The following C1orf159 variants were observed in gnomAD, a reference collection of about 807,000 sequenced individuals.
The protein encoded by C1orf159 is uncharacterized protein C1orf159.
C1orf159 carries 19 observed loss-of-function variants against 25.6 expected under a neutral mutation model. The ratio of observed to expected loss-of-function variants is 0.74; its 90% CI spans 0.52 to 1.09. The LOEUF (loss-of-function observed/expected upper bound fraction) is 1.09, where lower values mean the gene tolerates loss of function less well. Ranked by LOEUF, C1orf159 falls within the 50% of genes least tolerant of loss-of-function variation. The pLI is 0.00. For synonymous variants in C1orf159, 139 were observed against 124.7 expected, an observed-to-expected ratio of 1.12 and a Z score of -0.77; for missense variants, 274 against 290.6, an observed-to-expected ratio of 0.94 and a Z score of 0.42.
chr1:1,102,614 TAAAAA>T (rs1170365187), intron 1 of C1orf159, among the ~76,000 whole-genome samples: 1 of 34,130 alleles, frequency 2.9e-5, no homozygotes, highest in African/African-American at 1.0e-4. Context: ...CTGTCTCTAC[TAAAAA>T]AAAAAAAAAA....
chr1:1,108,232 CAG>C (rs878905567), intron 1 of C1orf159, among the ~76,000 whole-genome samples: 15,249 of 110,262 alleles, frequency 0.14, 1,902 homozygotes, highest in African/African-American at 0.3. Context: ...CACCATGTCT[CAG>C]CAGCACCGTT....
chr1:1,096,749 T>C (rs889311636), intron 1 of C1orf159, among the ~76,000 whole-genome samples: 1 of 152,120 alleles, frequency 6.6e-6, no homozygotes, highest in African/African-American at 2.4e-5. Flanking sequence ...TTTTGAGACA[T>C]GGCCTCACTC....
At chr1:1,091,334 G>GCTC in intron 3 of C1orf159, 138 bp downstream of exon 3, 1 of 859,180 alleles carries the variant, frequency 1.2e-6, no homozygotes, top group Non-Finnish European at 1.9e-6. Context: ...GACCCCAGCA[G>GCTC]TGGACCTGGT....
At chr1:1,097,210 G>T (rs188695075) in intron 1 of C1orf159, among the ~76,000 whole-genome samples, 2 of 152,002 alleles carry the variant, frequency 1.3e-5, no homozygotes, top group African/African-American at 4.8e-5. Context: ...GGGTTCAAGC[G>T]ATTCTTGTGC....
chr1:1,089,413 C>T lies in C1orf159; in HGVS notation c.148+940G>A, dbSNP rs1161272532. Among the ~76,000 whole-genome samples, 1 of 152,098 alleles carries T rather than the reference C, an allele frequency of 6.6e-6. No individual in the cohort carries two copies. The highest frequency in any genetic ancestry group is 1.5e-5 in the Non-Finnish European group (1 of 67,976). Reference sequence around the variant, plus strand: ...GGCTTCAGCATCAGACGATGAGGACCCCAAGGTGCTCAGCTTCCTCCCAGC... The same window carrying T: ...GGCTTCAGCATCAGACGATGAGGACTCCAAGGTGCTCAGCTTCCTCCCAGC... On this transcript the variant is annotated intron_variant, in intron 4 of 9. Coordinates refer to ENST00000421241, the MANE Select transcript of C1orf159 (RefSeq NM_017891.5). The surrounding 1 kb of genome is among the most constrained non-coding windows in gnomAD (Gnocchi z 7.5).
At chr1:1,111,365 CAA>C (rs35082223) in intron 1 of C1orf159, among the ~76,000 whole-genome samples, 28,901 of 108,778 alleles carry the variant, frequency 0.27, 4,220 homozygotes, top group African/African-American at 0.48. Flanking sequence ...TCATCTCTAC[CAA>C]AAAAAAAAAA....
chr1:1,087,873 C>T lies in C1orf159; in HGVS notation c.149-276G>A, dbSNP rs1401047059. Among the ~76,000 whole-genome samples, 2 of 147,854 alleles carry T rather than the reference C, an allele frequency of 1.4e-5. No individual in the cohort carries two copies. The highest frequency in any genetic ancestry group is 2.0e-4 in the East Asian group (1 of 5,064). On this transcript the variant is annotated intron_variant, in intron 4 of 9. Coordinates refer to ENST00000421241, the MANE Select transcript of C1orf159 (RefSeq NM_017891.5). This position sits in a 1 kb window ranked among gnomAD's most constrained non-coding sequence, Gnocchi z 8.3. Reference sequence around the variant, plus strand: ...CTCTCCACGCCGAGCACCCCGGCCCCGAGTACTCCACGCTGCACTCTCCAC... The same window carrying T: ...CTCTCCACGCCGAGCACCCCGGCCCTGAGTACTCCACGCTGCACTCTCCAC...
intron 1 of C1orf159, among the ~76,000 whole-genome samples, chr1:1,111,358 T>C (rs1486631132): frequency 1.7e-5 from 2 of 121,156 alleles, no homozygotes; most frequent in African/African-American, 7.1e-5. Context: ...TGAGATCTCA[T>C]CTCTACCAAA....
intron 2 of C1orf159, 59 bp downstream of exon 2, chr1:1,091,930 AAG>A (rs5772036): frequency 0.062 from 27,772 of 449,552 alleles, 1,225 homozygotes; most frequent in South Asian, 0.12. Context: ...GGTGGGGTGA[AAG>A]AGTGAAGGCT....
intron 1 of C1orf159, among the ~76,000 whole-genome samples, chr1:1,097,274 T>G (rs1367693585): frequency 6.6e-6 from 1 of 151,932 alleles, no homozygotes; most frequent in Non-Finnish European, 1.5e-5. Context: ...GCCTGGCTAA[T>G]TTTTGTATTT....
chr1:1,082,771 C>G lies in C1orf159; in HGVS notation c.*122G>C. On this transcript the variant is annotated 3_prime_UTR_variant, in exon 10 of 10. Transcript: ENST00000421241. The stretch of plus-strand genomic sequence containing the variant: ...GCTGGGAGGCGGAGGGACTCAGAGC[C>G]GAGGCTGTGCCCAGGACTGTCCCGG... 1 of 915,552 alleles carries G rather than the reference C, an allele frequency of 1.1e-6. No homozygotes were observed. Among genetic ancestry groups the G allele is most frequent in the East Asian group, 2.7e-5 (1 of 37,464 alleles). 56.7% of individuals were successfully genotyped at this position (915,552 alleles called of 1,614,324 possible).
chr1:1,098,335 C>A (rs1212778125), intron 1 of C1orf159, among the ~76,000 whole-genome samples: 1 of 152,216 alleles, frequency 6.6e-6, no homozygotes, highest in Non-Finnish European at 1.5e-5. Flanking sequence ...TCCCAAAGTG[C>A]AGGGATTACA....
At position 1,087,154 on chromosome 1, in the gene C1orf159, C is replaced by CG. The variant is rs1166814325; in HGVS notation, c.294dup (p.Gly99ArgfsTer22). 7 of 1,609,904 alleles carry CG rather than the reference C, an allele frequency of 4.3e-6. No individual in the cohort carries two copies. Among genetic ancestry groups the CG allele is most frequent in the Non-Finnish European group, 5.9e-6 (7 of 1,179,576 alleles). ...TGAGACTTACCAGGATGTGGCCGCC[C>CG]GGGGGTCCCTGAGCTTCTGTTCATG... is the stretch of plus-strand genomic sequence containing the variant. On this transcript the variant is annotated frameshift_variant, in exon 6 of 10. Transcript: ENST00000421241. LOFTEE classifies it high-confidence loss of function. This position sits in a 1 kb window ranked among gnomAD's most constrained non-coding sequence, Gnocchi z 8.3.
rs1170365187 is a variant in C1orf159 at position 1,102,614 on chromosome 1, TAAAAAAAAAAAAAAAAAA to T, written c.-135-10529_-135-10512del. ...CAACATAGCGAAACCCTGTCTCTAC[TAAAAAAAAAAAAAAAAAA>T]AAAAAAAAAAAAAAAAATTGCCAGG... On this transcript the variant is annotated intron_variant, in intron 1 of 9. Transcript: ENST00000421241. 3.2e-4 allele frequency among the ~76,000 whole-genome samples: 11 copies of T among 34,134 alleles called. 1 individual carries two copies. Among genetic ancestry groups the T allele is most frequent in the Middle Eastern group, 0.056 (2 of 36 alleles). 22.4% of individuals were successfully genotyped at this position (34,134 alleles called of 152,430 possible). A position where few individuals can be genotyped will look rare whatever the true frequency, so the allele number is the denominator to read the frequency against.
intron 1 of C1orf159, among the ~76,000 whole-genome samples, chr1:1,099,688 T>C (rs887309714): frequency 3.3e-5 from 5 of 151,260 alleles, no homozygotes; most frequent in African/African-American, 7.3e-5. Flanking sequence ...GTTTTTGGTC[T>C]ATTGTTCTAA....
chr1:1,115,223 C>G (rs1327135670), intron 1 of C1orf159: 1 of 152,118 alleles, frequency 6.6e-6, no homozygotes, highest in Non-Finnish European at 1.5e-5. Context: ...CCCCCGAACA[C>G]CTGGGCTTAA....
Position 1,087,924 on chromosome 1 carries a change from C to G in C1orf159, c.149-327G>C, listed in dbSNP as rs1335672502. On this transcript the variant is annotated intron_variant, in intron 4 of 9. Transcript: ENST00000421241. The surrounding 1 kb of genome is among the most constrained non-coding windows in gnomAD (Gnocchi z 8.3). ...GCCGAGCACCCCAGCCCCGAGTACTCCACGCTGCACTCCACGCCGAGCACC... is the reference window on the plus strand; with the variant it reads ...GCCGAGCACCCCAGCCCCGAGTACTGCACGCTGCACTCCACGCCGAGCACC... Among the ~76,000 whole-genome samples, 1 of 150,476 alleles carries G rather than the reference C, an allele frequency of 6.6e-6. No individual in the cohort carries two copies. Among genetic ancestry groups the G allele is most frequent in the African/African-American group, 2.4e-5 (1 of 40,872 alleles).
intron 1 of C1orf159, among the ~76,000 whole-genome samples, chr1:1,101,858 G>C (rs192358208): frequency 6.6e-6 from 1 of 151,996 alleles, no homozygotes; most frequent in Admixed American, 6.6e-5. Context: ...GATCCCCTGA[G>C]GTCAGGAGTT....
At chr1:1,091,037 G>T in intron 3 of C1orf159, 1 of 1,401,352 alleles carries the variant, frequency 7.1e-7, no homozygotes, top group Non-Finnish European at 9.8e-7. Context: ...GTGCGGGATA[G>T]AATCCACACC....
Sources: allele counts gnomAD v4.1 joint callset (sites outside exome capture counted in the v4.1 genomes callset), GRCh38; gene constraint gnomAD v4.1.1; non-coding constraint Gnocchi (gnomAD v3.1); transcripts MANE v1.5; gene names NCBI Gene and HGNC (gene_info 2026-07-23, HGNC 2026-07-21).